The following FTCDNL1 variants were observed in gnomAD, a reference collection of about 807,000 sequenced individuals.
FTCDNL1 encodes formiminotransferase cyclodeaminase N-terminal like, also known as formiminotransferase N-terminal subdomain-containing protein.
In FTCDNL1, 11 loss-of-function variants were observed where a neutral mutation model predicts 5.9. The ratio of observed to expected loss-of-function variants is 1.87; its 90% CI spans 1.18 to 3.10. The LOEUF is 3.10. Ranked by LOEUF, FTCDNL1 falls within the 30% of genes most tolerant of loss-of-function variation. FTCDNL1 has a pLI of 0.00. For missense variants in FTCDNL1, 115 were observed against 65.5 expected (o/e 1.76, Z -2.61); for synonymous variants, 58 against 24.8 (o/e 2.34, Z -3.99).
At chr2:199,693,715 G>A in the FTCDNL1 span, among the ~76,000 whole-genome samples, 1 of 152,122 alleles carries the variant, frequency 6.6e-6, no homozygotes, top group African/African-American at 2.4e-5. Flanking sequence ...CTATCTCAGA[G>A]GGATGCTGAG....
intron 3 of FTCDNL1, among the ~76,000 whole-genome samples, chr2:199,802,386 C>A (rs535762593): frequency 6.6e-6 from 1 of 152,144 alleles, no homozygotes; most frequent in Non-Finnish European, 1.5e-5. Flanking sequence ...GCAAAACAAA[C>A]AACATCAATA....
At chr2:199,693,683 T>C in the FTCDNL1 span, among the ~76,000 whole-genome samples, 3 of 152,244 alleles carry the variant, frequency 2.0e-5, no homozygotes, top group Non-Finnish European at 4.4e-5. Context: ...TATCCTCATC[T>C]GTAAAATGGA....
At chr2:199,740,454 C>T in the FTCDNL1 span, among the ~76,000 whole-genome samples, 2,495 of 152,266 alleles carry the variant, frequency 0.016, 63 homozygotes, top group East Asian at 0.16. Flanking sequence ...CCTCTTGCCC[C>T]CTAATCTGAG....
intron 3 of FTCDNL1, among the ~76,000 whole-genome samples, chr2:199,791,346 G>T (rs1699916189): frequency 6.6e-6 from 1 of 152,138 alleles, no homozygotes; most frequent in Non-Finnish European, 1.5e-5. Context: ...TTTACTTGAA[G>T]AATGTGTAAT....
intron 3 of FTCDNL1, among the ~76,000 whole-genome samples, chr2:199,831,072 C>T (rs144190503): frequency 3.2e-4 from 49 of 152,226 alleles, no homozygotes; most frequent in Non-Finnish European, 6.5e-4. Context: ...TTCAAAAGGA[C>T]GAACTTAAAA....
chr2:199,755,465 A>C, the FTCDNL1 span, among the ~76,000 whole-genome samples: 1 of 151,952 alleles, frequency 6.6e-6, no homozygotes, highest in Non-Finnish European at 1.5e-5. Flanking sequence ...CTAGCCTTGA[A>C]CTCTAGGTTC....
At chr2:199,755,300 C>A in the FTCDNL1 span, among the ~76,000 whole-genome samples, 1 of 152,182 alleles carries the variant, frequency 6.6e-6, no homozygotes, top group South Asian at 2.1e-4. Flanking sequence ...AGGGACCTCA[C>A]TATTAAGCTA....
chr2:199,721,321 C>T, the FTCDNL1 span, among the ~76,000 whole-genome samples: 1 of 152,110 alleles, frequency 6.6e-6, no homozygotes, highest in Non-Finnish European at 1.5e-5. Flanking sequence ...CTCCCTGTGT[C>T]CATGTAGTCT....
intron 3 of FTCDNL1, among the ~76,000 whole-genome samples, chr2:199,795,907 TAGG>T (rs1366479586): frequency 3.9e-5 from 6 of 152,302 alleles, no homozygotes; most frequent in African/African-American, 1.2e-4. Context: ...GTCAAGCTCT[TAGG>T]TAAAAGCACT....
the FTCDNL1 span, among the ~76,000 whole-genome samples, chr2:199,669,309 G>C: frequency 6.6e-6 from 1 of 151,998 alleles, no homozygotes; most frequent in African/African-American, 2.4e-5. Context: ...AAGCAAAAGA[G>C]AAAAAAATAA....
the FTCDNL1 span, among the ~76,000 whole-genome samples, chr2:199,663,998 T>C: frequency 1.3e-5 from 2 of 151,924 alleles, no homozygotes; most frequent in East Asian, 3.9e-4. Flanking sequence ...GAGAGACGGA[T>C]ACACTGACGT....
intron 3 of FTCDNL1, among the ~76,000 whole-genome samples, chr2:199,765,018 A>T (rs1015214455): frequency 6.6e-6 from 1 of 152,172 alleles, no homozygotes; most frequent in Non-Finnish European, 1.5e-5. Context: ...GGACCTGAGT[A>T]TGTGGGCCTT....
At chr2:199,717,986 C>CAAAAAAAAA in the FTCDNL1 span, among the ~76,000 whole-genome samples, 6 of 142,550 alleles carry the variant, frequency 4.2e-5, no homozygotes, top group South Asian at 2.2e-4. Flanking sequence ...ACCAAAAAAA[C>CAAAAAAAAA]AAAAAAAAAA....
At chr2:199,723,275 G>C in the FTCDNL1 span, among the ~76,000 whole-genome samples, 4 of 152,168 alleles carry the variant, frequency 2.6e-5, no homozygotes, top group East Asian at 7.8e-4. Flanking sequence ...AGCTTAAGAA[G>C]TTTTTGGGCT....
the FTCDNL1 span, among the ~76,000 whole-genome samples, chr2:199,739,826 G>T: frequency 6.6e-6 from 1 of 152,156 alleles, no homozygotes; most frequent in Non-Finnish European, 1.5e-5. Flanking sequence ...TTTAATGTCA[G>T]AACTCAGAGC....
intron 3 of FTCDNL1, among the ~76,000 whole-genome samples, chr2:199,772,102 A>T (rs1243519560): frequency 1.3e-5 from 2 of 151,984 alleles, no homozygotes; most frequent in Non-Finnish European, 2.9e-5. Context: ...CGATACTGTG[A>T]GAGTCAATCT....
At chr2:199,785,783 G>C (rs1419660204) in intron 3 of FTCDNL1, among the ~76,000 whole-genome samples, 1 of 152,042 alleles carries the variant, frequency 6.6e-6, no homozygotes, top group Non-Finnish European at 1.5e-5. Flanking sequence ...ACCATGCCTG[G>C]CTCACTTGAC....
the FTCDNL1 span, among the ~76,000 whole-genome samples, chr2:199,665,634 TAAAAAAA>T: frequency 2.4e-5 from 3 of 126,918 alleles, no homozygotes; most frequent in African/African-American, 9.0e-5. Context: ...AACTTCGTCT[TAAAAAAA>T]AAAAAAAAAA....
At chr2:199,694,122 A>G in the FTCDNL1 span, among the ~76,000 whole-genome samples, 2 of 152,120 alleles carry the variant, frequency 1.3e-5, no homozygotes, top group Non-Finnish European at 2.9e-5. Context: ...TTACACTAAG[A>G]ATGCAAGTTG....
Sources: allele counts gnomAD v4.1 joint callset (sites outside exome capture counted in the v4.1 genomes callset), GRCh38; gene constraint gnomAD v4.1.1; transcripts MANE v1.5; gene names NCBI Gene and HGNC (gene_info 2026-07-23, HGNC 2026-07-21).